PAG1: variants seen among roughly 807,000 people sequenced by gnomAD.
PAG1 encodes the protein phosphoprotein associated with glycosphingolipid-enriched microdomains 1.
A neutral mutation model predicts 31.7 loss-of-function variants in PAG1; 23 were observed. The ratio of observed to expected loss-of-function variants is 0.73; its 90% CI spans 0.52 to 1.03. The LOEUF is 1.03. Ranked by LOEUF, PAG1 falls within the 50% of genes least tolerant of loss-of-function variation. PAG1 has a pLI of 0.00. For synonymous variants in PAG1, 214 were observed against 210.3 expected (o/e 1.02, Z -0.15); for missense variants, 473 against 540.7 (o/e 0.87, Z 1.24).
intron 2 of PAG1, among the ~76,000 whole-genome samples, chr8:81,042,904 C>G (rs1224910999): frequency 6.6e-6 from 1 of 152,182 alleles, no homozygotes; most frequent in South Asian, 2.1e-4. Flanking sequence ...ATTTCTGCAA[C>G]TGGCTCTCAT....
At chr8:80,986,518 G>A (rs1051018749) in intron 6 of PAG1, among the ~76,000 whole-genome samples, 5 of 152,182 alleles carry the variant, frequency 3.3e-5, no homozygotes, top group African/African-American at 9.7e-5. Flanking sequence ...GTGACTGAGT[G>A]CGTGCCCAGG....
chr8:81,066,450 A>T (rs1273631966), intron 2 of PAG1, among the ~76,000 whole-genome samples: 1 of 152,104 alleles, frequency 6.6e-6, no homozygotes, highest in African/African-American at 2.4e-5. Flanking sequence ...GTCAGACATC[A>T]TCTTAGCTTT....
intron 1 of PAG1, among the ~76,000 whole-genome samples, chr8:81,091,608 A>G (rs7841630): frequency 0.03 from 4,503 of 152,316 alleles, 128 homozygotes; most frequent in African/African-American, 0.07. Context: ...TACAGTAACA[A>G]TATGATTTTA....
chr8:81,082,629 T>G (rs1270206955), intron 1 of PAG1, among the ~76,000 whole-genome samples: 1 of 152,176 alleles, frequency 6.6e-6, no homozygotes, highest in Non-Finnish European at 1.5e-5. Flanking sequence ...GACAAAATAA[T>G]TTTGATGGTT....
intron 2 of PAG1, chr8:81,036,940 G>A (rs967521570): frequency 1.3e-5 from 2 of 152,006 alleles, no homozygotes; most frequent in Non-Finnish European, 2.9e-5. Flanking sequence ...TTAAAAGAGG[G>A]TTTTCTGGGT....
At chr8:81,057,208 T>C (rs181624507) in intron 2 of PAG1, among the ~76,000 whole-genome samples, 83 of 152,292 alleles carry the variant, frequency 5.5e-4, no homozygotes, top group African/African-American at 1.9e-3. Context: ...GACCCAGCCA[T>C]CCCACTACTG....
At chr8:81,027,570 A>C (rs1402918064) in intron 3 of PAG1, among the ~76,000 whole-genome samples, 2 of 152,196 alleles carry the variant, frequency 1.3e-5, no homozygotes, top group Non-Finnish European at 2.9e-5. Context: ...AATTTATATT[A>C]TGTAGTTTTT....
chr8:81,052,630 T>C (rs980473701), intron 2 of PAG1, among the ~76,000 whole-genome samples: 1 of 152,220 alleles, frequency 6.6e-6, no homozygotes, highest in Non-Finnish European at 1.5e-5. Flanking sequence ...AGCTTATTAA[T>C]ATATTACATA....
At chr8:81,082,372 G>A (rs992984685) in intron 1 of PAG1, among the ~76,000 whole-genome samples, 2 of 152,068 alleles carry the variant, frequency 1.3e-5, no homozygotes, top group African/African-American at 4.8e-5. Context: ...CCTAGTTCTG[G>A]GAATCAAGAC....
rs189394417 is a variant in PAG1 at position 81,071,745 on chromosome 8, T to C, written c.-233-1575A>G. ...TTCAGGAGCCCAAGTTACAAGTAAGTAGCACAATACAGAGAGACGCAAGGG... is the reference window on the plus strand; with the variant it reads ...TTCAGGAGCCCAAGTTACAAGTAAGCAGCACAATACAGAGAGACGCAAGGG... On this transcript the variant is annotated intron_variant, in intron 1 of 8. Transcript: ENST00000220597. Among the ~76,000 whole-genome samples the C allele has an allele frequency of 1.4e-3, 206 of 152,234 alleles. 1 individual carries two copies. The highest frequency in any genetic ancestry group is 4.9e-3 in the African/African-American group (202 of 41,552).
At chr8:81,055,075 CTTTTTTTTTT>C (rs773535023) in intron 2 of PAG1, among the ~76,000 whole-genome samples, 1 of 138,942 alleles carries the variant, frequency 7.2e-6, no homozygotes. Context: ...CTTTTTTTTT[CTTTTTTTTTT>C]TTTTTGTTGA....
At chr8:80,987,703 T>C (rs966508638) in intron 5 of PAG1, among the ~76,000 whole-genome samples, 1 of 152,210 alleles carries the variant, frequency 6.6e-6, no homozygotes, top group Non-Finnish European at 1.5e-5. Context: ...CCTATCCATA[T>C]ATGTTATACC....
rs1455261717 is a variant in PAG1 at position 80,971,050 on chromosome 8, C to T, written c.*5494G>A. 1 of 152,284 alleles carries T rather than the reference C, an allele frequency of 6.6e-6. No homozygotes were observed. The highest frequency in any genetic ancestry group is 1.5e-5 in the Non-Finnish European group (1 of 68,034). 9.4% of individuals were successfully genotyped at this position (152,284 alleles called of 1,614,324 possible). ...CATGGCCTCATTCTTTAGACTTACT[C>T]CTTAAAAGGACTAGATCCGGGGAGG... On this transcript the variant is annotated 3_prime_UTR_variant, in exon 9 of 9. Transcript: ENST00000220597.
rs148290167 is a variant in PAG1, at chr8:80,985,032, G to A, written c.620C>T (p.Thr207Ile). Residue 207 changes from threonine (T) to isoleucine (I), a missense_variant, in exon 7 of 9, where the codon ACT becomes ATT. Coordinates refer to ENST00000220597, the MANE Select transcript of PAG1 (RefSeq NM_018440.4). ...CCCTGGGAGCTCTTTCGAGGCAGAA[G>A]TAGATTTTGCCTTGCCACTGTGGCC... ...EKGHSGKAKS[T>I]SASKELPGPQ... The A allele has an allele frequency of 1.4e-5, 23 of 1,614,088 alleles. No homozygotes were observed. In the South Asian group the frequency reaches 2.5e-4, roughly 18 times the overall value.
At chr8:81,060,807 T>C (rs888142549) in intron 2 of PAG1, among the ~76,000 whole-genome samples, 6 of 152,234 alleles carry the variant, frequency 3.9e-5, no homozygotes, top group African/African-American at 1.4e-4. Flanking sequence ...AGGGAGTAAG[T>C]AGCAAAGGCT....
chr8:81,101,304 T>G (rs1285109883), intron 1 of PAG1, among the ~76,000 whole-genome samples: 1 of 152,202 alleles, frequency 6.6e-6, no homozygotes, highest in African/African-American at 2.4e-5. Context: ...AAGATGTACA[T>G]TTTGGGCAAA....
chr8:81,017,835 T>C (rs1347756), intron 3 of PAG1, among the ~76,000 whole-genome samples: 74,062 of 152,048 alleles, frequency 0.49, 21,133 homozygotes, highest in Non-Finnish European at 0.63. Context: ...TACCTGCACA[T>C]GGGAATTTAA....
At chr8:81,014,364 T>C (rs760029392) in intron 3 of PAG1, among the ~76,000 whole-genome samples, 18 of 152,176 alleles carry the variant, frequency 1.2e-4, no homozygotes, top group Non-Finnish European at 2.5e-4. Context: ...CATAAAACAT[T>C]ACTTTAAAAA....
chr8:81,092,213 GGAAAAGAAA>G (rs1809459112), intron 1 of PAG1, among the ~76,000 whole-genome samples: 1 of 130,702 alleles, frequency 7.7e-6, no homozygotes, highest in Non-Finnish European at 1.7e-5. Context: ...AAAAAAAAAA[GGAAAAGAAA>G]AAAAAGAAAA....
Sources: allele counts gnomAD v4.1 joint callset (sites outside exome capture counted in the v4.1 genomes callset), GRCh38; gene constraint gnomAD v4.1.1; transcripts MANE v1.5; gene names NCBI Gene and HGNC (gene_info 2026-07-23, HGNC 2026-07-21).